Variants in SPMAP2L observed in about 807,000 individuals in gnomAD.
The protein encoded by SPMAP2L is sperm microtubule associated protein 2-like.
At chr4:56,537,900 A>G in the SPMAP2L span, among the ~76,000 whole-genome samples, 31 of 149,888 alleles carry the variant, frequency 2.1e-4, no homozygotes, top group African/African-American at 5.9e-4. Flanking sequence ...TCACCATGTT[A>G]GCCAGGATGG....
the SPMAP2L span, chr4:56,584,549 C>A: frequency 6.5e-7 from 1 of 1,535,388 alleles, no homozygotes; most frequent in Non-Finnish European, 8.7e-7. Flanking sequence ...TGATCCTTCT[C>A]CCCGGATATT....
the SPMAP2L span, among the ~76,000 whole-genome samples, chr4:56,533,783 C>CAAA: frequency 0.011 from 1,548 of 136,152 alleles, 31 homozygotes; most frequent in African/African-American, 0.038. Flanking sequence ...CTCCTTTCTA[C>CAAA]AAAAAAAAAA....
At chr4:56,617,586 C>G in the SPMAP2L span, among the ~76,000 whole-genome samples, 5 of 152,144 alleles carry the variant, frequency 3.3e-5, no homozygotes, top group Non-Finnish European at 7.3e-5. Flanking sequence ...ACGGCAGTGT[C>G]TAGGGGTGCC....
At chr4:56,543,233 G>A in the SPMAP2L span, among the ~76,000 whole-genome samples, 10 of 151,448 alleles carry the variant, frequency 6.6e-5, no homozygotes, top group South Asian at 8.5e-4. Flanking sequence ...ACAGGCGCCC[G>A]CCACCACACC....
chr4:56,534,538 C>T, the SPMAP2L span, among the ~76,000 whole-genome samples: 62 of 152,284 alleles, frequency 4.1e-4, no homozygotes, highest in African/African-American at 1.4e-3. Flanking sequence ...TGGTAACTTC[C>T]CAAATTATCT....
the SPMAP2L span, among the ~76,000 whole-genome samples, chr4:56,590,967 T>G: frequency 1.3e-5 from 2 of 152,208 alleles, no homozygotes; most frequent in African/African-American, 4.8e-5. Flanking sequence ...TTAAATAAAT[T>G]AATGAATCTC....
At chr4:56,566,655 ACTT>A in the SPMAP2L span, among the ~76,000 whole-genome samples, 1 of 145,978 alleles carries the variant, frequency 6.9e-6, no homozygotes, top group Non-Finnish European at 1.5e-5. Context: ...AATTTATACT[ACTT>A]AATGTATGAT....
At chr4:56,595,505 A>G in the SPMAP2L span, 1 of 1,546,230 alleles carries the variant, frequency 6.5e-7, no homozygotes, top group Non-Finnish European at 8.9e-7. Context: ...ATGTCTCCAC[A>G]CTCCCTGACC....
the SPMAP2L span, chr4:56,552,618 A>G: frequency 6.7e-7 from 1 of 1,486,818 alleles, no homozygotes; most frequent in Non-Finnish European, 9.1e-7. Context: ...CAGACAGGTA[A>G]GGCAATATTG....
chr4:56,546,497 A>C, the SPMAP2L span, among the ~76,000 whole-genome samples: 1 of 152,220 alleles, frequency 6.6e-6, no homozygotes, highest in Non-Finnish European at 1.5e-5. Context: ...AGAGATCTCC[A>C]GGTGATTCTA....
chr4:56,550,629 C>T, the SPMAP2L span, among the ~76,000 whole-genome samples: 11 of 152,112 alleles, frequency 7.2e-5, no homozygotes, highest in East Asian at 2.1e-3. Flanking sequence ...GTTTGTGTCC[C>T]ATAAATTTTT....
the SPMAP2L span, among the ~76,000 whole-genome samples, chr4:56,623,479 TAG>T: frequency 1.3e-5 from 2 of 152,158 alleles, no homozygotes; most frequent in Non-Finnish European, 2.9e-5. Flanking sequence ...AGAGGAGCCC[TAG>T]AGAGAGAAAA....
chr4:56,545,766 T>C, the SPMAP2L span, among the ~76,000 whole-genome samples: 1 of 151,310 alleles, frequency 6.6e-6, no homozygotes, highest in African/African-American at 2.4e-5. Flanking sequence ...AGTAAACACT[T>C]CCTTAACAAT....
the SPMAP2L span, among the ~76,000 whole-genome samples, chr4:56,605,567 G>A: frequency 6.6e-6 from 1 of 152,104 alleles, no homozygotes; most frequent in South Asian, 2.1e-4. Context: ...TTTGAATTTT[G>A]TCCTGCTTGT....
At chr4:56,559,068 G>A in the SPMAP2L span, among the ~76,000 whole-genome samples, 3 of 151,742 alleles carry the variant, frequency 2.0e-5, no homozygotes, top group Admixed American at 6.6e-5. Context: ...CAAGTAGCTG[G>A]GATTATAGGC....
chr4:56,542,320 G>A, the SPMAP2L span, among the ~76,000 whole-genome samples: 1 of 152,108 alleles, frequency 6.6e-6, no homozygotes, highest in South Asian at 2.1e-4. Flanking sequence ...ATGGCTCTTT[G>A]TTAAAATTCT....
At chr4:56,602,337 G>A in the SPMAP2L span, among the ~76,000 whole-genome samples, 10 of 152,178 alleles carry the variant, frequency 6.6e-5, no homozygotes, top group South Asian at 2.1e-4. Context: ...ATGCTGTAAT[G>A]TGTTTATCCT....
the SPMAP2L span, among the ~76,000 whole-genome samples, chr4:56,606,563 C>T: frequency 1.3e-5 from 2 of 152,096 alleles, no homozygotes; most frequent in Admixed American, 6.6e-5. Flanking sequence ...CCTGGTGCTC[C>T]GGCTATTCCT....
the SPMAP2L span, among the ~76,000 whole-genome samples, chr4:56,591,553 C>T: frequency 6.6e-6 from 1 of 152,056 alleles, no homozygotes; most frequent in East Asian, 1.9e-4. Flanking sequence ...AAGACTAATA[C>T]ACAAAACATG....
Sources: gnomAD v4.1 joint callset for allele counts (sites outside exome capture counted in the v4.1 genomes callset) on GRCh38, gnomAD v4.1.1 for gene constraint, MANE v1.5 for transcripts, NCBI Gene and HGNC (gene_info 2026-07-23, HGNC 2026-07-21) for gene names.